Variants in EYS observed in about 807,000 individuals in gnomAD.
EYS encodes the protein EGF-like photoreceptor maintenance factor.
Under a neutral mutation model 282.1 loss-of-function variants are expected in EYS, and 250 were observed. The observed-to-expected ratio is 0.89, with a 90% CI of 0.80 to 0.98. The LOEUF is 0.98. EYS is among the 50% of genes least tolerant of loss of function. The pLI, the probability that EYS is intolerant of heterozygous loss-of-function variation, is 0.00. For missense variants in EYS, 4,016 were observed against 3,709.0 expected (o/e 1.08, Z -2.15); for synonymous variants, 1,355 against 1,282.9 (o/e 1.06, Z -1.20).
At chr6:65,128,858 G>A (rs1775789709) in intron 12 of EYS, among the ~76,000 whole-genome samples, 1 of 151,854 alleles carries the variant, frequency 6.6e-6, no homozygotes, top group Non-Finnish European at 1.5e-5. Context: ...AATGGCCCAA[G>A]CAATCCTAAG....
At chr6:65,216,443 T>C (rs961562674) in intron 12 of EYS, among the ~76,000 whole-genome samples, 1 of 152,004 alleles carries the variant, frequency 6.6e-6, no homozygotes, top group African/African-American at 2.4e-5. Flanking sequence ...ATTACTACTT[T>C]ATAGCATTAA....
At chr6:65,077,584 G>GT (rs1774095518) in intron 12 of EYS, among the ~76,000 whole-genome samples, 2 of 151,960 alleles carry the variant, frequency 1.3e-5, no homozygotes, top group Admixed American at 1.3e-4. Context: ...TTAACTTTCA[G>GT]TTTTTTCTCA....
intron 26 of EYS, among the ~76,000 whole-genome samples, chr6:64,501,191 G>A (rs953550455): frequency 1.3e-5 from 2 of 151,566 alleles, no homozygotes; most frequent in African/African-American, 2.4e-5. Context: ...AGAAAAAAAA[G>A]GAATAGCATA....
chr6:63,983,242 T>C (rs1456862319), intron 35 of EYS, among the ~76,000 whole-genome samples: 1 of 151,818 alleles, frequency 6.6e-6, no homozygotes, highest in Non-Finnish European at 1.5e-5. Flanking sequence ...ATTCACTATG[T>C]AAGTCAGATA....
At chr6:64,287,811 G>A (rs545859529) in intron 30 of EYS, among the ~76,000 whole-genome samples, 4 of 152,246 alleles carry the variant, frequency 2.6e-5, no homozygotes, top group African/African-American at 4.8e-5. Context: ...GGCTTTGCTC[G>A]TAGAGAACTT....
intron 15 of EYS, among the ~76,000 whole-genome samples, chr6:64,937,992 A>G (rs114779336): frequency 8.7e-4 from 132 of 151,806 alleles, no homozygotes; most frequent in African/African-American, 2.9e-3. Context: ...TCTTGAAAAT[A>G]TTATGCTAAG....
chr6:64,954,370 T>A (rs148256359), intron 14 of EYS, among the ~76,000 whole-genome samples: 2 of 152,246 alleles, frequency 1.3e-5, no homozygotes, highest in South Asian at 2.1e-4. Flanking sequence ...TGTGTACTGC[T>A]CAAACATATT....
At chr6:64,526,237 A>G (rs988439851) in intron 26 of EYS, among the ~76,000 whole-genome samples, 6 of 151,838 alleles carry the variant, frequency 4.0e-5, no homozygotes, top group African/African-American at 1.4e-4. Context: ...AACAGGAGGG[A>G]TCCTCGTGGT....
chr6:64,781,698 G>A (rs1256379946), intron 22 of EYS, among the ~76,000 whole-genome samples: 1 of 151,838 alleles, frequency 6.6e-6, no homozygotes, highest in Non-Finnish European at 1.5e-5. Flanking sequence ...GTTGGTTGAT[G>A]ACTGCTATCA....
chr6:63,829,983 A>C (rs1298264292), intron 36 of EYS, among the ~76,000 whole-genome samples: 1 of 152,260 alleles, frequency 6.6e-6, no homozygotes, highest in Non-Finnish European at 1.5e-5. Flanking sequence ...AAACTCCAAC[A>C]GACCTGCAGC....
chr6:64,005,380 G>C (rs1768296513), intron 33 of EYS, among the ~76,000 whole-genome samples: 1 of 152,104 alleles, frequency 6.6e-6, no homozygotes, highest in African/African-American at 2.4e-5. Flanking sequence ...ATCTTTGTCA[G>C]ATGCATAGTT....
intron 22 of EYS, among the ~76,000 whole-genome samples, chr6:64,630,569 C>T (rs1342032024): frequency 6.6e-6 from 1 of 152,056 alleles, no homozygotes; most frequent in African/African-American, 2.4e-5. Flanking sequence ...GTGTATTTTT[C>T]TTGATCAAGT....
rs1198304637 is a variant in EYS, at chr6:64,590,425, C to A, written c.5442G>T (p.Arg1814Ser). The A allele has an allele frequency of 6.4e-7, 1 of 1,551,280 alleles. No homozygotes were observed. Among genetic ancestry groups the A allele is most frequent in the Non-Finnish European group, 8.7e-7 (1 of 1,146,728 alleles). The change falls in exon 26 of 43, where the codon AGG (arginine) becomes AGT (serine). Residue 1814 changes from arginine to serine, a missense_variant. Coordinates refer to ENST00000503581, the MANE Select transcript of EYS (RefSeq NM_001142800.2). ...IQTSSSMSVIRPDWPYFTDYM... is the reference protein window; with the variant it reads ...IQTSSSMSVISPDWPYFTDYM... Reference sequence around the variant, plus strand: ...AATCTGTAAAATATGGCCAATCTGGCCTAATTACAGACATGGAGGAAGACG... The same window carrying A: ...AATCTGTAAAATATGGCCAATCTGGACTAATTACAGACATGGAGGAAGACG...
At chr6:64,599,995 A>T (rs1766711886) in intron 24 of EYS, among the ~76,000 whole-genome samples, 1 of 152,280 alleles carries the variant, frequency 6.6e-6, no homozygotes. Context: ...ATGACTTTAC[A>T]ATCCAGTGGA....
At chr6:64,948,536 A>C (rs1769372683) in intron 14 of EYS, among the ~76,000 whole-genome samples, 1 of 145,882 alleles carries the variant, frequency 6.9e-6, no homozygotes, top group South Asian at 2.1e-4. Flanking sequence ...CCACTAGAAA[A>C]CTGAAATATA....
At chr6:65,179,501 C>T (rs1385091610) in intron 12 of EYS, among the ~76,000 whole-genome samples, 1 of 152,056 alleles carries the variant, frequency 6.6e-6, no homozygotes, top group East Asian at 1.9e-4. Context: ...CCTCTCAAGA[C>T]TAAACCAGGA....
Position 63,962,369 on chromosome 6 carries a change from G to T in EYS, c.7055+22014C>A, listed in dbSNP as rs576203960. Among the ~76,000 whole-genome samples the T allele has an allele frequency of 3.9e-5, 6 of 152,168 alleles. No individual in the cohort carries two copies. In the East Asian group the frequency reaches 1.2e-3, roughly 29 times the overall value. On this transcript the variant is annotated intron_variant, in intron 35 of 42. Coordinates refer to ENST00000503581, the MANE Select transcript of EYS (RefSeq NM_001142800.2). The stretch of plus-strand genomic sequence containing the variant: ...TTTTGCGATCTACTCATCTGACAAA[G>T]GGCTAATATCCAGAATCTACAAAGA...
chr6:64,202,567 G>A (rs570758480), intron 31 of EYS, among the ~76,000 whole-genome samples: 4 of 152,162 alleles, frequency 2.6e-5, no homozygotes, highest in Admixed American at 6.5e-5. Flanking sequence ...ATAGATAATC[G>A]AAAACAGTAT....
chr6:64,870,279 A>G (rs1411607915), intron 19 of EYS, among the ~76,000 whole-genome samples: 2 of 151,744 alleles, frequency 1.3e-5, no homozygotes, highest in Non-Finnish European at 3.0e-5. Context: ...TGCATATTAG[A>G]AAGTGATTGT....
Sources: gnomAD v4.1 joint callset for allele counts (sites outside exome capture counted in the v4.1 genomes callset) on GRCh38, gnomAD v4.1.1 for gene constraint, MANE v1.5 for transcripts, NCBI Gene and HGNC (gene_info 2026-07-23, HGNC 2026-07-21) for gene names.